Variants in PDSS2 observed in about 807,000 individuals in gnomAD.
PDSS2 encodes all trans-polyprenyl-diphosphate synthase PDSS2.
A neutral mutation model predicts 44.5 loss-of-function variants in PDSS2; 31 were observed. The observed-to-expected ratio is 0.70, with a 90% CI of 0.52 to 0.94. PDSS2 has a LOEUF of 0.94. Among genes scored for constraint, PDSS2 ranks in the 40% least tolerant of loss-of-function variants. PDSS2 has a pLI of 0.00. For missense variants in PDSS2, 452 were observed against 482.2 expected (o/e 0.94, Z 0.59); for synonymous variants, 157 against 180.3 (o/e 0.87, Z 1.03).
chr6:107,339,443 CCTT>C (rs1778010085), intron 1 of PDSS2, among the ~76,000 whole-genome samples: 1 of 152,114 alleles, frequency 6.6e-6, no homozygotes, highest in Non-Finnish European at 1.5e-5. Flanking sequence ...AGACTGGACG[CCTT>C]CTATACATCA....
In PDSS2 at chr6:107,175,214, G is replaced by GAA. The variant is rs35268855; in HGVS notation, c.1041+18606_1041+18607dup. ...GCGACAGAGTGAGACTCCATCTCAG[G>GAA]AAAAAAAAAAAAAAAGATCTCTCTC... On this transcript the variant is annotated intron_variant, in intron 7 of 7. Transcript: ENST00000369037. Among the ~76,000 whole-genome samples the GAA allele has an allele frequency of 1.6e-3, 220 of 140,486 alleles. 2 individuals are homozygous for GAA. Among genetic ancestry groups the GAA allele is most frequent in the Middle Eastern group, 3.8e-3 (1 of 264 alleles). The allele number at this position is 140,486 out of a possible 152,430, so 92.2% of individuals were successfully genotyped here.
chr6:107,349,241 G>A (rs556500118), intron 1 of PDSS2, among the ~76,000 whole-genome samples: 1 of 152,134 alleles, frequency 6.6e-6, no homozygotes, highest in African/African-American at 2.4e-5. Flanking sequence ...GACTATCCTG[G>A]CTAACACGGT....
intron 4 of PDSS2, among the ~76,000 whole-genome samples, chr6:107,217,833 A>C (rs1773463591): frequency 6.6e-6 from 1 of 152,240 alleles, no homozygotes; most frequent in Admixed American, 6.5e-5. Flanking sequence ...GAGAAGTCAC[A>C]GGAGGAAAAA....
chr6:107,184,163 G>A (rs1245198982), intron 7 of PDSS2, among the ~76,000 whole-genome samples: 4 of 152,084 alleles, frequency 2.6e-5, no homozygotes, highest in African/African-American at 7.2e-5. Context: ...CAAGAAAGGG[G>A]TACAGGAAAG....
intron 6 of PDSS2, among the ~76,000 whole-genome samples, chr6:107,202,940 T>G (rs1172921907): frequency 1.3e-5 from 2 of 151,998 alleles, no homozygotes; most frequent in African/African-American, 4.8e-5. Context: ...AACAAATCTC[T>G]CTCTGCTCAG....
At chr6:107,373,098 C>T (rs1351057762) in intron 1 of PDSS2, among the ~76,000 whole-genome samples, 1 of 151,644 alleles carries the variant, frequency 6.6e-6, no homozygotes, top group African/African-American at 2.4e-5. Context: ...ATGCTCCTGC[C>T]TCAGCCTCCC....
chr6:107,225,910 T>A (rs918345063), intron 4 of PDSS2, among the ~76,000 whole-genome samples: 2 of 152,250 alleles, frequency 1.3e-5, no homozygotes, highest in Non-Finnish European at 2.9e-5. Context: ...ATATCTTCTA[T>A]GTGCAAGGTA....
intron 1 of PDSS2, among the ~76,000 whole-genome samples, chr6:107,429,800 C>A (rs188595192): frequency 3.8e-4 from 55 of 146,442 alleles, no homozygotes; most frequent in Admixed American, 5.6e-4. Flanking sequence ...AGGAGAATCA[C>A]TTGAAATCGG....
At chr6:107,414,719 A>G (rs565208318) in intron 1 of PDSS2, among the ~76,000 whole-genome samples, 7 of 152,222 alleles carry the variant, frequency 4.6e-5, no homozygotes, top group African/African-American at 7.2e-5. Flanking sequence ...CCCCAGCAGG[A>G]AAGTAAAGGT....
chr6:107,433,015 A>G (rs2114763851), intron 1 of PDSS2, among the ~76,000 whole-genome samples: 1 of 152,198 alleles, frequency 6.6e-6, no homozygotes. Context: ...TATAAGTGGG[A>G]CATGTGGTAT....
chr6:107,359,397 T>C (rs1008721524), intron 1 of PDSS2, among the ~76,000 whole-genome samples: 1 of 151,138 alleles, frequency 6.6e-6, no homozygotes, highest in Non-Finnish European at 1.5e-5. Flanking sequence ...CTGAGGCGGG[T>C]GGATCACTTG....
intron 1 of PDSS2, among the ~76,000 whole-genome samples, chr6:107,376,213 T>A (rs1328058234): frequency 1.3e-5 from 2 of 152,154 alleles, no homozygotes. Context: ...CCAGCTTTGT[T>A]CTTTTGGCTT....
intron 6 of PDSS2, among the ~76,000 whole-genome samples, chr6:107,206,145 C>T (rs1772967933): frequency 6.6e-6 from 1 of 152,194 alleles, no homozygotes; most frequent in African/African-American, 2.4e-5. Context: ...GATCTTGGCT[C>T]ACTGCAACCT....
intron 2 of PDSS2, among the ~76,000 whole-genome samples, chr6:107,306,182 G>A (rs778086960): frequency 6.6e-6 from 1 of 152,160 alleles, no homozygotes; most frequent in Non-Finnish European, 1.5e-5. Flanking sequence ...CTGTTTGTAA[G>A]TGATATGGTT....
At chr6:107,391,899 A>AG (rs201506723) in intron 1 of PDSS2, among the ~76,000 whole-genome samples, 1 of 98,332 alleles carries the variant, frequency 1.0e-5, no homozygotes, top group Non-Finnish European at 2.9e-5. Flanking sequence ...CAAAAATAAA[A>AG]GGGGGGAAAA....
intron 4 of PDSS2, among the ~76,000 whole-genome samples, chr6:107,214,447 A>T (rs1220795553): frequency 6.6e-6 from 1 of 151,864 alleles, no homozygotes; most frequent in Non-Finnish European, 1.5e-5. Flanking sequence ...TACTTACAAC[A>T]CCTCACTAGC....
intron 1 of PDSS2, among the ~76,000 whole-genome samples, chr6:107,440,387 C>T (rs1781479288): frequency 6.6e-6 from 1 of 152,200 alleles, no homozygotes; most frequent in Admixed American, 6.5e-5. Flanking sequence ...TTGATCTTAA[C>T]ATGTACTCTT....
At chr6:107,403,381 T>C (rs1245427483) in intron 1 of PDSS2, among the ~76,000 whole-genome samples, 4 of 152,212 alleles carry the variant, frequency 2.6e-5, no homozygotes, top group Non-Finnish European at 4.4e-5. Flanking sequence ...CTTTCATGGC[T>C]GGCGCTGAGT....
intron 2 of PDSS2, among the ~76,000 whole-genome samples, chr6:107,289,626 G>A (rs957187523): frequency 1.3e-4 from 19 of 151,802 alleles, no homozygotes; most frequent in Non-Finnish European, 2.6e-4. Flanking sequence ...AGCCTAGGAT[G>A]TCGAGGCTGC....
Sources: allele counts gnomAD v4.1 joint callset (sites outside exome capture counted in the v4.1 genomes callset), GRCh38; gene constraint gnomAD v4.1.1; transcripts MANE v1.5; gene names NCBI Gene and HGNC (gene_info 2026-07-23, HGNC 2026-07-21).